The following ARHGAP15 variants were observed in gnomAD, a reference collection of about 807,000 sequenced individuals.
The protein encoded by ARHGAP15 is Rho GTPase activating protein 15.
Under a neutral mutation model 63.7 loss-of-function variants are expected in ARHGAP15, and 51 were observed. That is an observed-to-expected ratio of 0.80 (90% confidence interval 0.64 to 1.01). The LOEUF (loss-of-function observed/expected upper bound fraction) is 1.01. ARHGAP15 is among the 50% of genes least tolerant of loss of function. The pLI is 0.00. For missense variants in ARHGAP15, 560 were observed against 564.6 expected, an observed-to-expected ratio of 0.99 and a Z score of 0.08; for synonymous variants, 191 against 193.8, an observed-to-expected ratio of 0.99 and a Z score of 0.12.
chr2:143,245,255 A>G (rs1250752123), intron 5 of ARHGAP15, among the ~76,000 whole-genome samples: 2 of 152,190 alleles, frequency 1.3e-5, no homozygotes, highest in African/African-American at 2.4e-5. Context: ...GAAAGTGGGA[A>G]GAGGAAGAGG....
At chr2:143,571,144 C>T (rs923160167) in intron 11 of ARHGAP15, among the ~76,000 whole-genome samples, 2 of 152,194 alleles carry the variant, frequency 1.3e-5, no homozygotes, top group Non-Finnish European at 1.5e-5. Context: ...CACTGTCTCC[C>T]ATAACCCCCA....
chr2:143,472,893 A>G (rs760001600), intron 8 of ARHGAP15, among the ~76,000 whole-genome samples: 3 of 152,220 alleles, frequency 2.0e-5, no homozygotes, highest in Non-Finnish European at 2.9e-5. Context: ...TGGTAGACCC[A>G]GGACTCAAAA....
At chr2:143,544,241 TG>T (rs1695230300) in intron 10 of ARHGAP15, among the ~76,000 whole-genome samples, 1 of 152,216 alleles carries the variant, frequency 6.6e-6, no homozygotes, top group African/African-American at 2.4e-5. Flanking sequence ...ATGAAGATTT[TG>T]AACCTCATTT....
chr2:143,551,037 G>A (rs1695540216), intron 10 of ARHGAP15, among the ~76,000 whole-genome samples: 2 of 152,078 alleles, frequency 1.3e-5, no homozygotes, highest in African/African-American at 4.8e-5. Flanking sequence ...TAAGTGGTAG[G>A]AACTACGAAT....
intron 1 of ARHGAP15, among the ~76,000 whole-genome samples, chr2:143,131,945 A>G (rs1165407436): frequency 6.6e-6 from 1 of 152,154 alleles, no homozygotes; most frequent in African/African-American, 2.4e-5. Context: ...CCAGTGATGT[A>G]TCCATTTCTT....
chr2:143,348,816 T>G (rs1247732029), intron 6 of ARHGAP15, among the ~76,000 whole-genome samples: 2 of 152,182 alleles, frequency 1.3e-5, no homozygotes, highest in East Asian at 3.8e-4. Context: ...AATACTGATC[T>G]TCTAGAAAAT....
intron 13 of ARHGAP15, among the ~76,000 whole-genome samples, chr2:143,758,276 G>T (rs1181077976): frequency 6.6e-6 from 1 of 151,176 alleles, no homozygotes; most frequent in Non-Finnish European, 1.5e-5. Context: ...ATACAAGTGT[G>T]TGTGTATATA....
intron 9 of ARHGAP15, among the ~76,000 whole-genome samples, chr2:143,495,190 C>T (rs1455117837): frequency 6.6e-6 from 1 of 151,886 alleles, no homozygotes; most frequent in Admixed American, 6.6e-5. Context: ...TTCATCTTGC[C>T]TTTCTTATTT....
rs1479690663 is a variant in ARHGAP15 at position 143,135,046 on chromosome 2, A to T, written c.-15+5580A>T. On this transcript the variant is annotated intron_variant, in intron 1 of 13. Coordinates refer to ENST00000295095, the MANE Select transcript of ARHGAP15 (RefSeq NM_018460.4). Reference sequence around the variant, plus strand: ...AAAGGAATGAAAATAAAGGAACCCAACAAGGTCTCAGAGGAGACTAAGACA... The same window carrying T: ...AAAGGAATGAAAATAAAGGAACCCATCAAGGTCTCAGAGGAGACTAAGACA... Among the ~76,000 whole-genome samples, 5 of 152,230 alleles carry T rather than the reference A, an allele frequency of 3.3e-5. No homozygotes were observed. In the East Asian group the frequency reaches 7.7e-4, roughly 23 times the overall value.
At chr2:143,359,805 C>A (rs1420756140) in intron 6 of ARHGAP15, among the ~76,000 whole-genome samples, 2 of 151,998 alleles carry the variant, frequency 1.3e-5, no homozygotes, top group Non-Finnish European at 2.9e-5. Flanking sequence ...AAAACGGAAC[C>A]CTTGACTACA....
intron 13 of ARHGAP15, among the ~76,000 whole-genome samples, chr2:143,748,583 TA>T (rs1263675650): frequency 2.6e-5 from 4 of 152,198 alleles, no homozygotes; most frequent in Non-Finnish European, 4.4e-5. Context: ...TTTGTTTCCT[TA>T]AAATGCACAG....
At chr2:143,180,576 GT>G (rs1195894111) in intron 2 of ARHGAP15, among the ~76,000 whole-genome samples, 46 of 152,294 alleles carry the variant, frequency 3.0e-4, no homozygotes, top group African/African-American at 1.1e-3. Flanking sequence ...ATCTAGAATG[GT>G]AAATCCTTTT....
chr2:143,309,805 A>G (rs2381461), intron 6 of ARHGAP15, among the ~76,000 whole-genome samples: 121,567 of 151,724 alleles, frequency 0.8, 49,160 homozygotes, highest in African/African-American at 0.88. Flanking sequence ...CTCAAGTTGT[A>G]ACAACCAAAA....
chr2:143,294,047 C>T (rs1682525358), intron 6 of ARHGAP15, among the ~76,000 whole-genome samples: 1 of 152,072 alleles, frequency 6.6e-6, no homozygotes, highest in Admixed American at 6.6e-5. Flanking sequence ...TGGTATTTGT[C>T]ATAATGATAA....
At chr2:143,256,388 G>T (rs1401795731) in intron 6 of ARHGAP15, among the ~76,000 whole-genome samples, 1 of 152,002 alleles carries the variant, frequency 6.6e-6, no homozygotes, top group Non-Finnish European at 1.5e-5. Context: ...TACACAACAT[G>T]AAAATCTTTT....
chr2:143,368,370 G>T (rs1389727686), intron 6 of ARHGAP15, among the ~76,000 whole-genome samples: 1 of 152,064 alleles, frequency 6.6e-6, no homozygotes. Flanking sequence ...AGTGTTCAGA[G>T]ATGTTGTTCC....
In ARHGAP15 at chr2:143,761,923, T is replaced by C. The variant is rs555057622; in HGVS notation, c.1245-6066T>C. 2.0e-5 allele frequency among the ~76,000 whole-genome samples: 3 copies of C among 152,276 alleles called. No individual in the cohort carries two copies. The East Asian group carries it at 5.8e-4, about 29-fold the overall frequency. On this transcript the variant is annotated intron_variant, in intron 13 of 13. Transcript: ENST00000295095. Reference sequence around the variant, plus strand: ...AACTGAATTCTTACTCATTCTAAGATTTTATAAACTTGAATTTTACTTAGT... The same window carrying C: ...AACTGAATTCTTACTCATTCTAAGACTTTATAAACTTGAATTTTACTTAGT...
At chr2:143,296,991 T>C (rs1682665043) in intron 6 of ARHGAP15, among the ~76,000 whole-genome samples, 1 of 152,122 alleles carries the variant, frequency 6.6e-6, no homozygotes, top group South Asian at 2.1e-4. Flanking sequence ...TATATGCTTA[T>C]TTGTATTTCT....
intron 1 of ARHGAP15, among the ~76,000 whole-genome samples, chr2:143,152,600 G>T (rs971465627): frequency 2.0e-5 from 3 of 151,962 alleles, no homozygotes; most frequent in South Asian, 2.1e-4. Flanking sequence ...GGTCGAAGGG[G>T]TATATGTATG....
Sources: allele counts gnomAD v4.1 joint callset (sites outside exome capture counted in the v4.1 genomes callset), GRCh38; gene constraint gnomAD v4.1.1; transcripts MANE v1.5; gene names NCBI Gene and HGNC (gene_info 2026-07-23, HGNC 2026-07-21).